Variants in TMEM116 observed in about 807,000 individuals in gnomAD.
TMEM116 encodes the protein transmembrane protein 116.
TMEM116 carries 38 observed loss-of-function variants against 44.3 expected under a neutral mutation model. The observed-to-expected ratio is 0.86, with a 90% CI of 0.66 to 1.12. The LOEUF is 1.12. Among genes scored for constraint, TMEM116 ranks in the 50% most tolerant of loss-of-function variants. TMEM116 has a pLI of 0.00. For synonymous variants in TMEM116, 132 were observed against 144.8 expected, an observed-to-expected ratio of 0.91 and a Z score of 0.64; for missense variants, 354 against 401.7, an observed-to-expected ratio of 0.88 and a Z score of 1.01.
chr12:111,969,600 T>A (rs1425421390), intron 4 of TMEM116, among the ~76,000 whole-genome samples: 2 of 151,736 alleles, frequency 1.3e-5, no homozygotes, highest in Non-Finnish European at 2.9e-5. Context: ...TTTTTTGAAA[T>A]GGAGTCTCGC....
At chr12:111,972,104 A>G (rs1158049386) in intron 4 of TMEM116, among the ~76,000 whole-genome samples, 2 of 150,496 alleles carry the variant, frequency 1.3e-5, no homozygotes, top group Non-Finnish European at 3.0e-5. Flanking sequence ...AAACCCACCA[A>G]AAACAAAAAA....
chr12:111,962,752 T>A (rs1229753842), intron 4 of TMEM116, among the ~76,000 whole-genome samples: 1 of 152,182 alleles, frequency 6.6e-6, no homozygotes, highest in African/African-American at 2.4e-5. Flanking sequence ...GACATAGGCA[T>A]GGGCAAAGAC....
At chr12:111,957,237 G>A (rs866768420) in intron 4 of TMEM116, among the ~76,000 whole-genome samples, 2 of 151,600 alleles carry the variant, frequency 1.3e-5, no homozygotes, top group African/African-American at 2.4e-5. Context: ...CCTCTGCCCC[G>A]CCGCCCCATC....
At chr12:112,001,193 A>C (rs2077233077) in intron 3 of TMEM116, among the ~76,000 whole-genome samples, 1 of 152,212 alleles carries the variant, frequency 6.6e-6, no homozygotes, top group Non-Finnish European at 1.5e-5. Context: ...GCCAAATTAG[A>C]CCTTAACACC....
chr12:111,972,789 T>C (rs530749418), intron 4 of TMEM116, among the ~76,000 whole-genome samples: 7 of 149,068 alleles, frequency 4.7e-5, no homozygotes, highest in East Asian at 2.0e-4. Context: ...TGAGGTAGAA[T>C]TGCTGCAACC....
chr12:111,987,771 T>A (rs2076308385), intron 4 of TMEM116, among the ~76,000 whole-genome samples: 1 of 152,168 alleles, frequency 6.6e-6, no homozygotes, highest in South Asian at 2.1e-4. Context: ...TGGTGTTTCC[T>A]CAAAAAATCA....
intron 4 of TMEM116, among the ~76,000 whole-genome samples, chr12:111,987,152 C>A (rs566352170): frequency 1.3e-5 from 2 of 152,036 alleles, no homozygotes; most frequent in Middle Eastern, 3.4e-3. Flanking sequence ...GTCTGACAGG[C>A]GGTTAAATAT....
Position 112,006,321 on chromosome 12 carries a change from A to G in TMEM116, c.-33-1018T>C, listed in dbSNP as rs1593689992. Reference sequence around the variant, plus strand: ...GAGAAAAAAAGATGAGTCATAGTGAAAAGATAAATAGAGCTGCAATAGAGA... The same window carrying G: ...GAGAAAAAAAGATGAGTCATAGTGAGAAGATAAATAGAGCTGCAATAGAGA... On this transcript the variant is annotated intron_variant, in intron 1 of 10. Coordinates refer to ENST00000552374, the MANE Select transcript of TMEM116 (RefSeq NM_001193531.2). Among the ~76,000 whole-genome samples, 4 of 152,344 alleles carry G rather than the reference A, an allele frequency of 2.6e-5. No homozygotes were observed. The South Asian group carries it at 8.3e-4, about 32-fold the overall frequency.
In TMEM116 at chr12:112,009,589, G is replaced by A. The variant is rs2077746087; in HGVS notation, c.-34+3413C>T. On this transcript the variant is annotated intron_variant, in intron 1 of 10. Transcript: ENST00000552374. ...GCAGTGGGTCACGCCTGTAATCCCA[G>A]CACTTTGGGAGGCCAAGGCAGGTGG... Among the ~76,000 whole-genome samples the A allele has an allele frequency of 3.3e-5, 5 of 149,342 alleles. No individual in the cohort carries two copies. The South Asian group carries it at 1.1e-3, about 32-fold the overall frequency.
chr12:111,980,838 C>T (rs2075895944), intron 4 of TMEM116, among the ~76,000 whole-genome samples: 1 of 152,106 alleles, frequency 6.6e-6, no homozygotes, highest in African/African-American at 2.4e-5. Context: ...CTTTGGAAGG[C>T]TGAGGTGGGC....
At chr12:111,932,687 T>C (rs1159740782) in intron 9 of TMEM116, 28 bp from the exon 10 acceptor site, 1 of 1,590,400 alleles carries the variant, frequency 6.3e-7, no homozygotes, top group Admixed American at 1.7e-5. Context: ...GTAAACCTTC[T>C]TGTCAGCCCT....
At position 111,986,811 on chromosome 12, in the gene TMEM116, A is replaced by C. The variant is rs1472237180; in HGVS notation, c.210+4947T>G. On this transcript the variant is annotated intron_variant, in intron 4 of 10. Coordinates refer to ENST00000552374, the MANE Select transcript of TMEM116 (RefSeq NM_001193531.2). The stretch of plus-strand genomic sequence containing the variant: ...GTAACAGAGCAAGACTCTGTCTCAA[A>C]TAAATAAATAAATGGTACCAGGAAA... 2.0e-5 allele frequency among the ~76,000 whole-genome samples: 3 copies of C among 152,092 alleles called. No individual in the cohort carries two copies. The East Asian group carries it at 5.8e-4, about 29-fold the overall frequency.
At position 112,005,418 on chromosome 12, in the gene TMEM116, A is replaced by C. The variant is rs1053518884; in HGVS notation, c.-33-115T>G. 10 of 729,184 alleles carry C rather than the reference A, an allele frequency of 1.4e-5. No individual in the cohort carries two copies. In the Admixed American group the frequency reaches 3.9e-4, roughly 29 times the overall value. The allele number at this position is 729,184 out of a possible 1,614,324, so 45.2% of individuals were successfully genotyped here. A position where few individuals can be genotyped will look rare whatever the true frequency, so the allele number is the denominator to read the frequency against. ...ATTTTTCTTCAAAGCCTAATCTCAA[A>C]ACATACTATAAGCCTGAGAATGAGT... is the stretch of plus-strand genomic sequence containing the variant. On this transcript the variant is annotated intron_variant, in intron 1 of 10. Transcript: ENST00000552374.
intron 4 of TMEM116, among the ~76,000 whole-genome samples, chr12:111,952,107 T>C (rs1214344717): frequency 2.0e-5 from 3 of 152,120 alleles, no homozygotes; most frequent in Non-Finnish European, 4.4e-5. Context: ...CATGCGCCTG[T>C]AATCCCAGCT....
chr12:111,993,122 T>A (rs2076713672), intron 3 of TMEM116: 1 of 236,330 alleles, frequency 4.2e-6, no homozygotes, highest in African/African-American at 2.3e-5. Context: ...ACTGCTCTCT[T>A]AACCTGGCAG....
intron 4 of TMEM116, among the ~76,000 whole-genome samples, chr12:111,967,753 T>C (rs949990664): frequency 1.3e-5 from 2 of 152,114 alleles, no homozygotes; most frequent in African/African-American, 4.8e-5. Flanking sequence ...GACTTCCACT[T>C]CTGGCCAAGA....
chr12:111,940,456 G>GC (rs979001314), intron 5 of TMEM116, among the ~76,000 whole-genome samples: 11 of 130,580 alleles, frequency 8.4e-5, no homozygotes, highest in Admixed American at 4.0e-4. Context: ...TCAATCTCCT[G>GC]CCCCCCACAT....
intron 4 of TMEM116, among the ~76,000 whole-genome samples, chr12:111,986,749 C>T (rs2076249920): frequency 6.6e-6 from 1 of 152,106 alleles, no homozygotes; most frequent in African/African-American, 2.4e-5. Context: ...GTCGAGGCTA[C>T]AGTGAGCCAT....
chr12:111,936,409 T>C (rs2072167292), intron 8 of TMEM116: 2 of 273,498 alleles, frequency 7.3e-6, no homozygotes, highest in Non-Finnish European at 1.4e-5. Context: ...TTGGCACATA[T>C]GAGTTTTCTG....
Sources: gnomAD v4.1 joint callset for allele counts (sites outside exome capture counted in the v4.1 genomes callset) on GRCh38, gnomAD v4.1.1 for gene constraint, MANE v1.5 for transcripts, NCBI Gene and HGNC (gene_info 2026-07-23, HGNC 2026-07-21) for gene names.